Variants in KCNAB1 observed in about 807,000 individuals in gnomAD.
KCNAB1 encodes potassium voltage-gated channel subfamily A regulatory beta subunit 1, also known as voltage-gated potassium channel subunit beta-1.
A neutral mutation model predicts 64.6 loss-of-function variants in KCNAB1; 35 were observed. The ratio of observed to expected loss-of-function variants is 0.54; its 90% CI spans 0.41 to 0.72. The LOEUF is 0.72. Among genes scored for constraint, KCNAB1 ranks in the 30% least tolerant of loss-of-function variants. KCNAB1 has a pLI of 0.00. For missense variants in KCNAB1, 401 were observed against 512.9 expected, an observed-to-expected ratio of 0.78 and a Z score of 2.11; for synonymous variants, 177 against 183.8, an observed-to-expected ratio of 0.96 and a Z score of 0.30.
intron 1 of KCNAB1, among the ~76,000 whole-genome samples, chr3:156,397,713 C>A (rs1034965588): frequency 6.6e-6 from 1 of 152,126 alleles, no homozygotes; most frequent in Admixed American, 6.5e-5. Context: ...AGGGACCCAT[C>A]CTTTTACAGG....
intron 1 of KCNAB1, among the ~76,000 whole-genome samples, chr3:156,416,562 A>G (rs749207464): frequency 2.0e-5 from 3 of 152,158 alleles, no homozygotes; most frequent in African/African-American, 2.4e-5. Flanking sequence ...TGAGGGTCCC[A>G]ATTTTGTATT....
intron 1 of KCNAB1, among the ~76,000 whole-genome samples, chr3:156,220,743 G>A (rs4680245): frequency 0.031 from 4,706 of 152,180 alleles, 101 homozygotes; most frequent in Non-Finnish European, 0.048. Context: ...TGTCTATTTT[G>A]GCTTTTATTG....
intron 8 of KCNAB1, among the ~76,000 whole-genome samples, chr3:156,478,366 T>C (rs1714534358): frequency 6.6e-6 from 1 of 152,172 alleles, no homozygotes. Context: ...GTAAATCATT[T>C]TTATTGATTT....
intron 11 of KCNAB1, among the ~76,000 whole-genome samples, chr3:156,521,098 T>C (rs1717913205): frequency 6.6e-6 from 1 of 152,214 alleles, no homozygotes; most frequent in South Asian, 2.1e-4. Context: ...ATAAAACTAA[T>C]AGCCAACTAA....
intron 2 of KCNAB1, among the ~76,000 whole-genome samples, chr3:156,449,927 T>G (rs1369735314): frequency 6.6e-6 from 1 of 152,186 alleles, no homozygotes; most frequent in Non-Finnish European, 1.5e-5. Context: ...TAATCTTCAC[T>G]GCTAAGCAGA....
rs116680615 is a variant in KCNAB1 at position 156,452,695 on chromosome 3, G to A, written c.320-204G>A. On this transcript the variant is annotated intron_variant, in intron 2 of 13. Coordinates refer to ENST00000490337, the MANE Select transcript of KCNAB1 (RefSeq NM_172160.3). The surrounding 1 kb of genome is among the most constrained non-coding windows in gnomAD (Gnocchi z 4.6). ...GAAACAGCAGCCCTTTCTCCAGAGG[G>A]ATACAGACCCCTTCTGGAATACTTA... Among the ~76,000 whole-genome samples the A allele has an allele frequency of 6.6e-3, 1,002 of 152,198 alleles. 7 individuals carry two copies. The highest frequency in any genetic ancestry group is 0.024 in the Middle Eastern group (7 of 294).
intron 1 of KCNAB1, chr3:156,143,413 G>A (rs890010270): frequency 3.8e-6 from 6 of 1,579,766 alleles, no homozygotes; most frequent in Admixed American, 1.8e-5. Flanking sequence ...GACGGGCATG[G>A]CATACAGGTA....
At chr3:156,178,049 T>A (rs1712520751) in intron 1 of KCNAB1, among the ~76,000 whole-genome samples, 1 of 152,184 alleles carries the variant, frequency 6.6e-6, no homozygotes. Flanking sequence ...ATCCAAATTT[T>A]ACATACAATT....
intron 3 of KCNAB1, 127 bp from the exon 4 acceptor site, chr3:156,457,324 TAA>T: frequency 6.7e-7 from 1 of 1,502,760 alleles, no homozygotes. Context: ...CCCTCTCCAC[TAA>T]AACTAAGAAA....
At chr3:156,135,478 C>A (rs1467509445) in intron 1 of KCNAB1, among the ~76,000 whole-genome samples, 1 of 152,036 alleles carries the variant, frequency 6.6e-6, no homozygotes, top group Non-Finnish European at 1.5e-5. Context: ...CTTAATAGTG[C>A]CAATTTACCT....
At chr3:156,264,084 G>A (rs1026771664) in intron 1 of KCNAB1, among the ~76,000 whole-genome samples, 2 of 152,018 alleles carry the variant, frequency 1.3e-5, no homozygotes, top group African/African-American at 4.8e-5. Flanking sequence ...TTGGTGCTCT[G>A]TCTATAAGTC....
intron 2 of KCNAB1, among the ~76,000 whole-genome samples, chr3:156,427,682 G>C (rs1052629510): frequency 6.6e-6 from 1 of 152,160 alleles, no homozygotes; most frequent in African/African-American, 2.4e-5. Flanking sequence ...TCAATGAAGA[G>C]ACAGAATTGT....
At chr3:156,253,550 C>T (rs1328014791) in intron 1 of KCNAB1, among the ~76,000 whole-genome samples, 1 of 152,242 alleles carries the variant, frequency 6.6e-6, no homozygotes, top group South Asian at 2.1e-4. Context: ...CCAGAAGATT[C>T]TGATGGTTGC....
chr3:156,363,224 A>G (rs746606693), intron 1 of KCNAB1, among the ~76,000 whole-genome samples: 2 of 152,246 alleles, frequency 1.3e-5, no homozygotes, highest in African/African-American at 4.8e-5. Context: ...TTCAAATGCC[A>G]TAGTTTGACA....
chr3:156,521,266 G>A (rs1717922516), intron 11 of KCNAB1, among the ~76,000 whole-genome samples: 3 of 152,152 alleles, frequency 2.0e-5, no homozygotes, highest in South Asian at 4.1e-4. Flanking sequence ...ATATGAAGGG[G>A]TGAATTATGA....
chr3:156,428,698 C>T (rs867758554), intron 2 of KCNAB1, among the ~76,000 whole-genome samples: 20 of 152,116 alleles, frequency 1.3e-4, no homozygotes, highest in African/African-American at 4.6e-4. Context: ...GTCACTTGCT[C>T]ATTTTTCAGC....
chr3:156,440,872 G>A (rs1453593871), intron 2 of KCNAB1, among the ~76,000 whole-genome samples: 1 of 152,102 alleles, frequency 6.6e-6, no homozygotes, highest in East Asian at 1.9e-4. Context: ...GTAAATTTGA[G>A]TGTAATATGG....
intron 1 of KCNAB1, among the ~76,000 whole-genome samples, chr3:156,246,115 T>C (rs893339906): frequency 6.6e-6 from 1 of 152,200 alleles, no homozygotes. Context: ...AGATCTGTTT[T>C]GTAATATGTA....
chr3:156,221,360 T>G (rs1015961716), intron 1 of KCNAB1, among the ~76,000 whole-genome samples: 3 of 152,186 alleles, frequency 2.0e-5, no homozygotes, highest in Non-Finnish European at 4.4e-5. Context: ...TTAAGAGCTG[T>G]GAGGCAAAAG....
Sources: gnomAD v4.1 joint callset for allele counts (sites outside exome capture counted in the v4.1 genomes callset) on GRCh38, gnomAD v4.1.1 for gene constraint, Gnocchi (gnomAD v3.1) non-coding constraint, MANE v1.5 for transcripts, NCBI Gene and HGNC (gene_info 2026-07-23, HGNC 2026-07-21) for gene names.